The following USP6NL variants were observed in gnomAD, a reference collection of about 807,000 sequenced individuals.
The protein encoded by USP6NL is USP6 N-terminal-like protein.
A neutral mutation model predicts 61.9 loss-of-function variants in USP6NL; 26 were observed. The ratio of observed to expected loss-of-function variants is 0.42; its 90% CI spans 0.31 to 0.58. The LOEUF (loss-of-function observed/expected upper bound fraction) is 0.58. Ranked by LOEUF, USP6NL falls within the 20% of genes least tolerant of loss-of-function variation. USP6NL has a pLI of 0.16. For missense variants in USP6NL, 1,114 were observed against 1,034.3 expected, an observed-to-expected ratio of 1.08 and a Z score of -1.06; for synonymous variants, 432 against 390.1, an observed-to-expected ratio of 1.11 and a Z score of -1.27.
chr10:11,550,498 G>A (rs1836441535), intron 2 of USP6NL, among the ~76,000 whole-genome samples: 1 of 152,128 alleles, frequency 6.6e-6, no homozygotes, highest in African/African-American at 2.4e-5. Flanking sequence ...GCTCACACCT[G>A]TAATCCCAGC....
At chr10:11,515,951 C>G (rs1287487145) in intron 5 of USP6NL, among the ~76,000 whole-genome samples, 1 of 152,072 alleles carries the variant, frequency 6.6e-6, no homozygotes, top group Non-Finnish European at 1.5e-5. Context: ...GTTCCAATAT[C>G]CTATACACCA....
Position 11,485,250 on chromosome 10 carries a change from G to A in USP6NL, c.760-16C>T. The A allele has an allele frequency of 6.6e-7, 1 of 1,513,050 alleles. No homozygotes were observed. The highest frequency in any genetic ancestry group is 8.8e-7 in the Non-Finnish European group (1 of 1,135,720). The allele number at this position is 1,513,050 out of a possible 1,614,324, so 93.7% of individuals were successfully genotyped here. A position where few individuals can be genotyped will look rare whatever the true frequency, so the allele number is the denominator to read the frequency against. ...CTTGAGAATCCTGAAAAAACAAAGAGCTCACAATTTATGGATTGTAGCAAA... is the reference window on the plus strand; with the variant it reads ...CTTGAGAATCCTGAAAAAACAAAGAACTCACAATTTATGGATTGTAGCAAA... On this transcript the variant is annotated splice_polypyrimidine_tract_variant and intron_variant, in intron 11 of 14. Coordinates refer to ENST00000609104, the MANE Select transcript of USP6NL (RefSeq NM_014688.5). This position sits in a 1 kb window ranked among gnomAD's most constrained non-coding sequence, Gnocchi z 4.8.
At chr10:11,584,139 G>C (rs1014987686) in intron 2 of USP6NL, among the ~76,000 whole-genome samples, 8 of 151,820 alleles carry the variant, frequency 5.3e-5, no homozygotes, top group African/African-American at 1.9e-4. Flanking sequence ...CATCACTTGA[G>C]CCCAGGAAGA....
At chr10:11,607,064 T>C (rs1031524182) in intron 1 of USP6NL, among the ~76,000 whole-genome samples, 8 of 152,192 alleles carry the variant, frequency 5.3e-5, no homozygotes, top group Non-Finnish European at 1.0e-4. Context: ...GCTGGGCTTA[T>C]AGGAGTGAGC....
At position 11,589,248 on chromosome 10, in the gene USP6NL, AC is replaced by A. The variant is rs747667665; in HGVS notation, c.4+8382del. The stretch of plus-strand genomic sequence containing the variant: ...CACATTATAGTGGTCTGAATTAACC[AC>A]TTAGCATGTAAATTTCTGTTATATT... On this transcript the variant is annotated intron_variant, in intron 2 of 14. Coordinates refer to ENST00000609104, the MANE Select transcript of USP6NL (RefSeq NM_014688.5). This position sits in a 1 kb window ranked among gnomAD's most constrained non-coding sequence, Gnocchi z 4.7. 6.6e-5 allele frequency among the ~76,000 whole-genome samples: 10 copies of A among 152,200 alleles called. No individual in the cohort carries two copies. Among genetic ancestry groups the A allele is most frequent in the Admixed American group, 3.3e-4 (5 of 15,282 alleles).
chr10:11,546,476 A>T (rs1836276038), intron 2 of USP6NL, among the ~76,000 whole-genome samples: 2 of 152,174 alleles, frequency 1.3e-5, no homozygotes, highest in African/African-American at 4.8e-5. Flanking sequence ...ATCTAGGTTC[A>T]CCGCAACCTC....
chr10:11,488,323 C>T lies in USP6NL; in HGVS notation c.664+779G>A, dbSNP rs182044037. Among the ~76,000 whole-genome samples, 359 of 152,214 alleles carry T rather than the reference C, an allele frequency of 2.4e-3. 1 individual carries two copies. The highest frequency in any genetic ancestry group is 8.3e-3 in the African/African-American group (346 of 41,538). On this transcript the variant is annotated intron_variant, in intron 10 of 14. Transcript: ENST00000609104. Reference sequence around the variant, plus strand: ...CCGGATACTAGAGAGGCTAATGAGGCGGGAGGATGGCTTGATCCCAGGTCA... The same window carrying T: ...CCGGATACTAGAGAGGCTAATGAGGTGGGAGGATGGCTTGATCCCAGGTCA...
intron 3 of USP6NL, among the ~76,000 whole-genome samples, chr10:11,526,591 C>G (rs1194478412): frequency 6.6e-6 from 1 of 152,178 alleles, no homozygotes; most frequent in Non-Finnish European, 1.5e-5. Context: ...ACTCTGGGAA[C>G]ATAACTGCTA....
Position 11,487,981 on chromosome 10 carries a change from G to A in USP6NL, c.664+1121C>T, listed in dbSNP as rs777829225. ...ACTGAACTTGGAAGATCCATTCTTA[G>A]AATAACTAGTGTTAAAATTATTTTA... is the stretch of plus-strand genomic sequence containing the variant. On this transcript the variant is annotated intron_variant, in intron 10 of 14. Transcript: ENST00000609104. The surrounding 1 kb of genome is among the most constrained non-coding windows in gnomAD (Gnocchi z 4.2). Among the ~76,000 whole-genome samples, 2 of 152,140 alleles carry A rather than the reference G, an allele frequency of 1.3e-5. No homozygotes were observed. The highest frequency in any genetic ancestry group is 1.5e-5 in the Non-Finnish European group (1 of 68,024).
In USP6NL at chr10:11,462,112, G is replaced by C. The variant is rs2096216567; in HGVS notation, c.*329C>G. 3.8e-6 allele frequency: 1 copy of C among 263,834 alleles called. No individual in the cohort carries two copies. The highest frequency in any genetic ancestry group is 7.9e-5 in the East Asian group (1 of 12,658). The allele number at this position is 263,834 out of a possible 1,614,324, so 16.3% of individuals were successfully genotyped here. A position where few individuals can be genotyped will look rare whatever the true frequency, so the allele number is the denominator to read the frequency against. On this transcript the variant is annotated 3_prime_UTR_variant, in exon 15 of 15. Transcript: ENST00000609104. ...GTACTTTGTAACATTAGTCAAAATAGAATGAGCCAACAGAGTAAAAATGTT... is the reference window on the plus strand; with the variant it reads ...GTACTTTGTAACATTAGTCAAAATACAATGAGCCAACAGAGTAAAAATGTT...
At chr10:11,464,807 T>C (rs933652048) in intron 14 of USP6NL, among the ~76,000 whole-genome samples, 4 of 152,250 alleles carry the variant, frequency 2.6e-5, no homozygotes, top group South Asian at 2.1e-4. Context: ...ATTATTTCAA[T>C]TGGCAACCCA....
In USP6NL at chr10:11,485,829, A is replaced by C; in HGVS notation, c.747T>G (p.Leu249=). 6.4e-7 allele frequency: 1 copy of C among 1,553,390 alleles called. No individual in the cohort carries two copies. The highest frequency in any genetic ancestry group is 8.7e-7 in the Non-Finnish European group (1 of 1,148,502). The change falls in exon 11 of 15, where the codon CTT becomes CTG. Residue 249 remains leucine (L), a synonymous_variant. Transcript: ENST00000609104. The surrounding 1 kb of genome is among the most constrained non-coding windows in gnomAD (Gnocchi z 4.8). ...EKILNKFLSK[L]KQHLDSQEIY... Reference sequence around the variant, plus strand: ...CACATCTACCTACCAAGTGTTGCTTAAGCTTGGACAGAAATTTGTTCAGTA... The same window carrying C: ...CACATCTACCTACCAAGTGTTGCTTCAGCTTGGACAGAAATTTGTTCAGTA...
In USP6NL at chr10:11,611,255, C is replaced by A. The variant is rs1018231870; in HGVS notation, c.-84+188G>T. 3 of 151,812 alleles carry A rather than the reference C, an allele frequency of 2.0e-5. No individual in the cohort carries two copies. Among genetic ancestry groups the A allele is most frequent in the Non-Finnish European group, 2.9e-5 (2 of 67,956 alleles). The allele number at this position is 151,812 out of a possible 1,614,324, so 9.4% of individuals were successfully genotyped here. ...TCCGGGCGCGGGGACACACAGGCAG[C>A]CCCCGCACTGTGCCCGAGCCGCCCC... is the stretch of plus-strand genomic sequence containing the variant. On this transcript the variant is annotated intron_variant, in intron 1 of 14. Coordinates refer to ENST00000609104, the MANE Select transcript of USP6NL (RefSeq NM_014688.5). This position sits in a 1 kb window ranked among gnomAD's most constrained non-coding sequence, Gnocchi z 5.3.
At chr10:11,586,902 G>A (rs747460974) in intron 2 of USP6NL, among the ~76,000 whole-genome samples, 8 of 152,124 alleles carry the variant, frequency 5.3e-5, no homozygotes, top group Admixed American at 1.3e-4. Flanking sequence ...CACATACGTT[G>A]TTCCTTCTGT....
In USP6NL at chr10:11,478,419, G is replaced by A. The variant is rs762537849; in HGVS notation, c.1078+3351C>T. Among the ~76,000 whole-genome samples, 31 of 152,130 alleles carry A rather than the reference G, an allele frequency of 2.0e-4. No homozygotes were observed. Among genetic ancestry groups the A allele is most frequent in the Non-Finnish European group, 3.2e-4 (22 of 68,024 alleles). Reference sequence around the variant, plus strand: ...TCACATGAAGAAAACAAACCTCAACGACTGTAAAATAAAAGCTTTTACTTA... The same window carrying A: ...TCACATGAAGAAAACAAACCTCAACAACTGTAAAATAAAAGCTTTTACTTA... On this transcript the variant is annotated intron_variant, in intron 14 of 14. Coordinates refer to ENST00000609104, the MANE Select transcript of USP6NL (RefSeq NM_014688.5). The surrounding 1 kb of genome is among the most constrained non-coding windows in gnomAD (Gnocchi z 6.8).
Position 11,518,656 on chromosome 10 carries a change from G to A in USP6NL, c.156-82C>T. 1 of 1,012,240 alleles carries A rather than the reference G, an allele frequency of 9.9e-7. No homozygotes were observed. The highest frequency in any genetic ancestry group is 1.4e-5 in the South Asian group (1 of 69,562). 62.7% of individuals were successfully genotyped at this position (1,012,240 alleles called of 1,614,324 possible). On this transcript the variant is annotated intron_variant, in intron 4 of 14. Coordinates refer to ENST00000609104, the MANE Select transcript of USP6NL (RefSeq NM_014688.5). The surrounding 1 kb of genome is among the most constrained non-coding windows in gnomAD (Gnocchi z 5.3). ...AGCTTATATACTTATAGATACATAT[G>A]ACATACAATATTTATTTGTCATCAC...
At position 11,509,869 on chromosome 10, in the gene USP6NL, A is replaced by C. The variant is rs76825549; in HGVS notation, c.196-194T>G. Among the ~76,000 whole-genome samples the C allele has an allele frequency of 4.3e-3, 655 of 152,330 alleles. 1 individual carries two copies. Among genetic ancestry groups the C allele is most frequent in the African/African-American group, 0.015 (620 of 41,574 alleles). ...GTCCATAGCTAAAGTTAAGATTAAT[A>C]GGAAATGCTCTCTCTAGGTAAAAAG... is the stretch of plus-strand genomic sequence containing the variant. On this transcript the variant is annotated intron_variant, in intron 5 of 14. Transcript: ENST00000609104.
At chr10:11,527,041 T>C (rs1193023713) in intron 3 of USP6NL, among the ~76,000 whole-genome samples, 2 of 152,176 alleles carry the variant, frequency 1.3e-5, no homozygotes, top group African/African-American at 4.8e-5. Context: ...CCTAGGCATT[T>C]AGGATACAAA....
Position 11,490,760 on chromosome 10 carries a change from A to G in USP6NL, c.543+72T>C, listed in dbSNP as rs1833681911. The G allele has an allele frequency of 2.1e-6, 3 of 1,444,532 alleles. No homozygotes were observed. The highest frequency in any genetic ancestry group is 2.9e-5 in the African/African-American group (2 of 69,752). 89.5% of individuals were successfully genotyped at this position (1,444,532 alleles called of 1,614,324 possible). On this transcript the variant is annotated intron_variant, in intron 9 of 14. Transcript: ENST00000609104. The surrounding 1 kb of genome is among the most constrained non-coding windows in gnomAD (Gnocchi z 4.5). ...AGCTCTGAGATGCAGAAATGTGCCC[A>G]CAGGGCCCTGCTAAGTAGGGAGTAC...
Sources: allele counts gnomAD v4.1 joint callset (sites outside exome capture counted in the v4.1 genomes callset), GRCh38; gene constraint gnomAD v4.1.1; non-coding constraint Gnocchi (gnomAD v3.1); transcripts MANE v1.5; gene names NCBI Gene and HGNC (gene_info 2026-07-23, HGNC 2026-07-21).